Variants in RNLS observed in about 807,000 individuals in gnomAD.
RNLS encodes the protein renalase.
RNLS carries 39 observed loss-of-function variants against 39.8 expected under a neutral mutation model. The ratio of observed to expected loss-of-function variants is 0.98; its 90% CI spans 0.76 to 1.28. RNLS has a LOEUF of 1.28. Ranked by LOEUF, RNLS falls within the 50% of genes most tolerant of loss-of-function variation. The pLI is 0.00. For missense variants in RNLS, 410 were observed against 413.3 expected (o/e 0.99, Z 0.07); for synonymous variants, 147 against 150.7 (o/e 0.98, Z 0.18).
chr10:88,228,267 A>G, the RNLS span, among the ~76,000 whole-genome samples: 1 of 152,174 alleles, frequency 6.6e-6, no homozygotes, highest in African/African-American at 2.4e-5. Context: ...TGCAATGGCC[A>G]CAGAAGATTG....
At chr10:88,541,372 T>C (rs1848033992) in intron 4 of RNLS, among the ~76,000 whole-genome samples, 1 of 152,192 alleles carries the variant, frequency 6.6e-6, no homozygotes, top group Middle Eastern at 3.2e-3. Flanking sequence ...CTTTTCACAA[T>C]GAAAACAGAT....
intron 4 of RNLS, among the ~76,000 whole-genome samples, chr10:88,497,390 C>T (rs915129565): frequency 4.2e-4 from 63 of 151,768 alleles, no homozygotes; most frequent in African/African-American, 1.5e-3. Flanking sequence ...TTTATAATGC[C>T]TTGATTTTGG....
At chr10:88,214,051 G>A in the RNLS span, among the ~76,000 whole-genome samples, 1 of 152,206 alleles carries the variant, frequency 6.6e-6, no homozygotes, top group African/African-American at 2.4e-5. Context: ...TCCATTTCTC[G>A]GCTCTGTCTT....
chr10:88,246,367 AGCCCTCCAGTTT>A, the RNLS span, among the ~76,000 whole-genome samples: 1 of 152,126 alleles, frequency 6.6e-6, no homozygotes, highest in Admixed American at 6.5e-5. Flanking sequence ...TTCTCTTCAA[AGCCCTCCAGTTT>A]GCCAGCTTAG....
chr10:88,221,675 A>G, the RNLS span, among the ~76,000 whole-genome samples: 8 of 152,232 alleles, frequency 5.3e-5, no homozygotes, highest in African/African-American at 1.7e-4. Flanking sequence ...TTTTGGGCAC[A>G]CAATCTTCCA....
At chr10:88,273,529 C>G (rs1296678739), downstream of RNLS, among the ~76,000 whole-genome samples, 1 of 152,172 alleles carries the variant, frequency 6.6e-6, no homozygotes, top group Non-Finnish European at 1.5e-5. Flanking sequence ...TTTAAAATGA[C>G]TGCATTAAAT....
intron 4 of RNLS, among the ~76,000 whole-genome samples, chr10:88,469,242 A>G (rs1843377359): frequency 6.6e-6 from 1 of 152,184 alleles, no homozygotes; most frequent in Admixed American, 6.6e-5. Context: ...TGGTCATCAC[A>G]AAGTTCAGTG....
chr10:88,547,931 CAAAG>C (rs926763876), intron 4 of RNLS, among the ~76,000 whole-genome samples: 1 of 151,582 alleles, frequency 6.6e-6, no homozygotes, highest in Non-Finnish European at 1.5e-5. Context: ...AATTAATAAA[CAAAG>C]AAAAAGAATC....
intron 4 of RNLS, chr10:88,545,331 A>G (rs1467708258): frequency 5.3e-6 from 2 of 380,840 alleles, no homozygotes; most frequent in Non-Finnish European, 1.0e-5. Flanking sequence ...TCATACTGCT[A>G]TGAAGAAACA....
At chr10:88,543,442 A>T (rs1848146030) in intron 4 of RNLS, among the ~76,000 whole-genome samples, 1 of 152,166 alleles carries the variant, frequency 6.6e-6, no homozygotes, top group Non-Finnish European at 1.5e-5. Flanking sequence ...CTTTTTCAGT[A>T]ACTTCTTAAC....
chr10:88,349,558 C>T lies in RNLS; in HGVS notation c.700+12994G>A, dbSNP rs569815690. ...CCTCAGGCAATCCTCCTGCCTTGGC[C>T]TCCCAAAGTGGTGAGATTATAGGCA... On this transcript the variant is annotated intron_variant, in intron 5 of 6. Coordinates refer to ENST00000331772, the MANE Select transcript of RNLS (RefSeq NM_001031709.3). Among the ~76,000 whole-genome samples the T allele has an allele frequency of 9.9e-5, 15 of 152,228 alleles. No homozygotes were observed. In the South Asian group the frequency reaches 1.9e-3, roughly 19 times the overall value.
intron 4 of RNLS, among the ~76,000 whole-genome samples, chr10:88,408,947 G>A (rs1022266009): frequency 6.6e-6 from 1 of 152,030 alleles, no homozygotes; most frequent in African/African-American, 2.4e-5. Flanking sequence ...GATGTGTTGA[G>A]AACAAAACCT....
intron 6 of RNLS, among the ~76,000 whole-genome samples, chr10:88,308,434 C>CA (rs112662294): frequency 0.16 from 21,767 of 135,330 alleles, 1,714 homozygotes; most frequent in East Asian, 0.39. Context: ...AACAAATTTA[C>CA]AAAAAATAAA....
intron 5 of RNLS, among the ~76,000 whole-genome samples, chr10:88,350,355 A>G (rs1471009696): frequency 6.6e-6 from 1 of 151,966 alleles, no homozygotes; most frequent in African/African-American, 2.4e-5. Context: ...TACATTCGGT[A>G]TATCTCCTAA....
At chr10:88,180,400 C>T in the RNLS span, among the ~76,000 whole-genome samples, 11 of 152,152 alleles carry the variant, frequency 7.2e-5, no homozygotes, top group South Asian at 1.0e-3. Context: ...GATAAAGATT[C>T]GATTTTTCAG....
chr10:88,193,182 C>G, the RNLS span, among the ~76,000 whole-genome samples: 5 of 152,094 alleles, frequency 3.3e-5, no homozygotes, highest in Non-Finnish European at 7.4e-5. Context: ...TCTAGAGAGC[C>G]GAGTCTGCAG....
the RNLS span, among the ~76,000 whole-genome samples, chr10:88,241,198 C>T: frequency 3.4e-5 from 5 of 147,734 alleles, no homozygotes; most frequent in Admixed American, 1.3e-4. Flanking sequence ...AAATATTTTT[C>T]TTCTGGAATG....
the RNLS span, among the ~76,000 whole-genome samples, chr10:88,250,752 C>T: frequency 1.3e-5 from 2 of 152,164 alleles, no homozygotes; most frequent in African/African-American, 2.4e-5. Context: ...CATTCATGTC[C>T]TCTGATTTAG....
chr10:88,392,217 CA>C (rs1269255948), intron 4 of RNLS, among the ~76,000 whole-genome samples: 3 of 152,174 alleles, frequency 2.0e-5, no homozygotes, highest in Non-Finnish European at 4.4e-5. Flanking sequence ...ATCAGCTTAC[CA>C]AAAGCTTAAA....
Sources: allele counts gnomAD v4.1 joint callset (sites outside exome capture counted in the v4.1 genomes callset), GRCh38; gene constraint gnomAD v4.1.1; transcripts MANE v1.5; gene names NCBI Gene and HGNC (gene_info 2026-07-23, HGNC 2026-07-21).